Variants in COG5 observed in about 807,000 individuals in gnomAD.
COG5 encodes the protein component of oligomeric golgi complex 5.
Under a neutral mutation model 110.4 loss-of-function variants are expected in COG5, and 86 were observed. That is an observed-to-expected ratio of 0.78 (90% CI 0.65 to 0.93). COG5 has a LOEUF of 0.93. COG5 is among the 40% of genes least tolerant of loss of function. The probability of loss-of-function intolerance (pLI) is 0.00; values close to 1 mark genes in which losing one functional copy is unlikely to be tolerated. For missense variants in COG5, 1,077 were observed against 987.0 expected, an observed-to-expected ratio of 1.09 and a Z score of -1.22; for synonymous variants, 360 against 334.6, an observed-to-expected ratio of 1.08 and a Z score of -0.83.
intron 10 of COG5, among the ~76,000 whole-genome samples, chr7:107,342,977 T>A (rs1811297692): frequency 6.6e-6 from 1 of 152,156 alleles, no homozygotes; most frequent in African/African-American, 2.4e-5. Context: ...TAGGTGCCCA[T>A]CAATAGTAGA....
At chr7:107,390,461 G>C (rs992291644) in intron 7 of COG5, among the ~76,000 whole-genome samples, 2 of 152,124 alleles carry the variant, frequency 1.3e-5, no homozygotes, top group African/African-American at 4.8e-5. Flanking sequence ...ACTGAAACTA[G>C]TAGCATAAAC....
chr7:107,253,685 T>C (rs1412823259), intron 16 of COG5, among the ~76,000 whole-genome samples: 1 of 152,190 alleles, frequency 6.6e-6, no homozygotes, highest in Non-Finnish European at 1.5e-5. Flanking sequence ...ACTCTGCATC[T>C]GCTCTCCACC....
chr7:107,392,129 G>A (rs1016201169), intron 7 of COG5, among the ~76,000 whole-genome samples: 2 of 152,058 alleles, frequency 1.3e-5, no homozygotes, highest in Non-Finnish European at 2.9e-5. Flanking sequence ...GCAATACCAC[G>A]TTGATCACTT....
chr7:107,414,938 G>A (rs914963496), intron 6 of COG5, among the ~76,000 whole-genome samples: 5 of 151,608 alleles, frequency 3.3e-5, no homozygotes, highest in African/African-American at 1.2e-4. Context: ...ATTTTGGCCA[G>A]GATGGTCTTG....
At chr7:107,401,860 C>A (rs1791456257) in intron 7 of COG5, among the ~76,000 whole-genome samples, 1 of 152,172 alleles carries the variant, frequency 6.6e-6, no homozygotes. Flanking sequence ...TTGCTTGCTG[C>A]CTGCAGAACT....
intron 21 of COG5, chr7:107,209,919 A>C (rs1799043987): frequency 6.1e-6 from 6 of 986,510 alleles, no homozygotes; most frequent in Non-Finnish European, 7.2e-6. Flanking sequence ...TGGTGAGAGC[A>C]GTTGCAGGGA....
intron 5 of COG5, among the ~76,000 whole-genome samples, chr7:107,533,510 G>A (rs554520640): frequency 2.0e-5 from 3 of 151,506 alleles, no homozygotes; most frequent in South Asian, 2.1e-4. Context: ...GGAGAACTTC[G>A]TGAAGCATAC....
intron 19 of COG5, among the ~76,000 whole-genome samples, chr7:107,220,815 C>CTTT (rs1168926155): frequency 1.2e-3 from 151 of 123,802 alleles, no homozygotes; most frequent in Non-Finnish European, 1.5e-3. Context: ...CTCATGCCTT[C>CTTT]TTTTTTTTTT....
chr7:107,503,633 A>C (rs752265602), intron 6 of COG5, among the ~76,000 whole-genome samples: 3 of 152,166 alleles, frequency 2.0e-5, no homozygotes, highest in Non-Finnish European at 4.4e-5. Flanking sequence ...CAATCTATGA[A>C]CACAAGATGT....
chr7:107,251,993 G>C (rs1802549138), intron 16 of COG5, among the ~76,000 whole-genome samples: 1 of 152,006 alleles, frequency 6.6e-6, no homozygotes, highest in Admixed American at 6.6e-5. Flanking sequence ...AAAACAGGAA[G>C]AGAACACAAA....
intron 6 of COG5, among the ~76,000 whole-genome samples, chr7:107,458,412 G>C (rs967178447): frequency 1.3e-5 from 2 of 152,164 alleles, no homozygotes; most frequent in African/African-American, 4.8e-5. Context: ...AAAAACAGCA[G>C]AAAAGATGGA....
intron 7 of COG5, among the ~76,000 whole-genome samples, chr7:107,404,848 A>C (rs1388288407): frequency 1.2e-4 from 18 of 150,440 alleles, no homozygotes; most frequent in Admixed American, 8.6e-4. Flanking sequence ...TGGTTGATGG[A>C]AAGTAAAGAG....
At chr7:107,317,751 T>C (rs1342136607) in intron 11 of COG5, among the ~76,000 whole-genome samples, 1 of 152,120 alleles carries the variant, frequency 6.6e-6, no homozygotes, top group African/African-American at 2.4e-5. Flanking sequence ...TTATTAGACA[T>C]GCAAATAAGT....
At chr7:107,467,667 T>A (rs953061889) in intron 6 of COG5, among the ~76,000 whole-genome samples, 8 of 152,208 alleles carry the variant, frequency 5.3e-5, no homozygotes, top group Admixed American at 4.6e-4. Flanking sequence ...TTAATTTTTT[T>A]CATGAAAATA....
intron 19 of COG5, among the ~76,000 whole-genome samples, chr7:107,215,911 G>A (rs560863761): frequency 5.3e-4 from 81 of 151,834 alleles, no homozygotes; most frequent in African/African-American, 1.2e-3. Context: ...GGGTTTCACC[G>A]TGTTAGCCAG....
At chr7:107,562,510 C>T (rs557288213) in intron 1 of COG5, among the ~76,000 whole-genome samples, 104 of 152,300 alleles carry the variant, frequency 6.8e-4, no homozygotes, top group Non-Finnish European at 1.4e-3. Context: ...TATTACAGCA[C>T]CTACCTTTAT....
At chr7:107,390,619 G>A (rs749459953) in intron 7 of COG5, among the ~76,000 whole-genome samples, 4 of 151,430 alleles carry the variant, frequency 2.6e-5, no homozygotes, top group African/African-American at 4.9e-5. Flanking sequence ...TCACACTATA[G>A]ATCTACATAG....
intron 6 of COG5, among the ~76,000 whole-genome samples, chr7:107,453,711 T>C (rs756988463): frequency 2.6e-5 from 4 of 152,174 alleles, no homozygotes; most frequent in African/African-American, 9.7e-5. Flanking sequence ...GAGAGCACAA[T>C]ATGGCACAGA....
chr7:107,346,244 TTTTC>T (rs1299215533), intron 10 of COG5, among the ~76,000 whole-genome samples: 2 of 152,302 alleles, frequency 1.3e-5, no homozygotes, highest in East Asian at 3.9e-4. Context: ...CCATTATAAG[TTTTC>T]TTTCTTCAGA....
Sources: gnomAD v4.1 joint callset for allele counts (sites outside exome capture counted in the v4.1 genomes callset) on GRCh38, gnomAD v4.1.1 for gene constraint, MANE v1.5 for transcripts, NCBI Gene and HGNC (gene_info 2026-07-23, HGNC 2026-07-21) for gene names.